The following LRRC47 variants were observed in gnomAD, a reference collection of about 807,000 sequenced individuals.
The protein encoded by LRRC47 is leucine rich repeat containing 47.
Under a neutral mutation model 40.9 loss-of-function variants are expected in LRRC47, and 31 were observed. The ratio of observed to expected loss-of-function variants is 0.76; its 90% CI spans 0.57 to 1.02. The LOEUF is 1.02. Among genes scored for constraint, LRRC47 ranks in the 50% least tolerant of loss-of-function variants. LRRC47 has a pLI of 0.00. For missense variants in LRRC47, 726 were observed against 796.1 expected, an observed-to-expected ratio of 0.91 and a Z score of 1.06; for synonymous variants, 427 against 371.9, an observed-to-expected ratio of 1.15 and a Z score of -1.70.
chr1:3,789,710 G>A (rs1643609509), intron 1 of LRRC47, among the ~76,000 whole-genome samples: 1 of 152,264 alleles, frequency 6.6e-6, no homozygotes, highest in Non-Finnish European at 1.5e-5. Flanking sequence ...GGGGGAAGGA[G>A]AGCAAGAGGG....
At chr1:3,793,733 G>C (rs1432940698) in intron 1 of LRRC47, among the ~76,000 whole-genome samples, 1 of 152,044 alleles carries the variant, frequency 6.6e-6, no homozygotes, top group African/African-American at 2.4e-5. Context: ...ACCAAAAAGA[G>C]CTCCCCGCAG....
chr1:3,784,350 C>T (rs1357217038), intron 3 of LRRC47, among the ~76,000 whole-genome samples: 1 of 152,220 alleles, frequency 6.6e-6, no homozygotes, highest in East Asian at 1.9e-4. Flanking sequence ...AGGGCTTAAC[C>T]TTAAAGCCAG....
At chr1:3,789,783 G>C (rs1421655506) in intron 1 of LRRC47, among the ~76,000 whole-genome samples, 1 of 152,248 alleles carries the variant, frequency 6.6e-6, no homozygotes, top group East Asian at 1.9e-4. Flanking sequence ...GTCCTTGTCA[G>C]AAATGCAAGG....
chr1:3,783,430 A>AAAAG (rs907092722), intron 4 of LRRC47, among the ~76,000 whole-genome samples: 3 of 151,824 alleles, frequency 2.0e-5, no homozygotes, highest in Non-Finnish European at 2.9e-5. Flanking sequence ...CAAAAAAAAA[A>AAAAG]AAAAAAGCAC....
chr1:3,794,229 T>A (rs1183222481), intron 1 of LRRC47, among the ~76,000 whole-genome samples: 1 of 152,126 alleles, frequency 6.6e-6, no homozygotes, highest in Non-Finnish European at 1.5e-5. Flanking sequence ...AACTCCAGTC[T>A]CCACTTTAGC....
chr1:3,783,805 G>A, intron 4 of LRRC47, 191 bp downstream of exon 4: 1 of 592,274 alleles, frequency 1.7e-6, no homozygotes, highest in Non-Finnish European at 3.0e-6. Flanking sequence ...CCTCACGTCA[G>A]GGCCATCTAG....
rs1350930590 is a variant in LRRC47 at position 3,796,237 on chromosome 1, G to C, written c.240C>G (p.Leu80=). ...GCCCCAGCGCGTTGCGCCGCAGCACGAGGCTGTGCAGCTGCGGCAGGCCCT... is the reference window on the plus strand; with the variant it reads ...GCCCCAGCGCGTTGCGCCGCAGCACCAGGCTGTGCAGCTGCGGCAGGCCCT... ...LAQGLPQLHS[L]VLRRNALGPG... is the part of the protein sequence containing the mutation. The change falls in exon 1 of 7, where the codon CTC becomes CTG. Residue 80 remains leucine, a synonymous_variant. Coordinates refer to ENST00000378251, the MANE Select transcript of LRRC47 (RefSeq NM_020710.3). 8 of 1,442,930 alleles carry C rather than the reference G, an allele frequency of 5.5e-6. No individual in the cohort carries two copies. The highest frequency in any genetic ancestry group is 6.3e-6 in the Non-Finnish European group (7 of 1,107,738). 89.4% of individuals were successfully genotyped at this position (1,442,930 alleles called of 1,614,324 possible). A position where few individuals can be genotyped will look rare whatever the true frequency, so the allele number is the denominator to read the frequency against.
chr1:3,785,334 G>A (rs572447138), intron 2 of LRRC47, 131 bp from the exon 3 acceptor site: 11 of 500,986 alleles, frequency 2.2e-5, no homozygotes, highest in Admixed American at 1.4e-4. Flanking sequence ...ACCACGCCAC[G>A]CCCCTTTCCG....
rs1437151239 is a variant in LRRC47, at chr1:3,784,409, G to A, written c.1195-298C>T. Among the ~76,000 whole-genome samples the A allele has an allele frequency of 2.0e-5, 3 of 151,794 alleles. 1 individual carries two copies. ...GTCTGCCATCCTCAGAAGGCCAAAA[G>A]AGGAGAGAAAGGCTGAGCAGCCGGG... is the stretch of plus-strand genomic sequence containing the variant. On this transcript the variant is annotated intron_variant, in intron 3 of 6. Coordinates refer to ENST00000378251, the MANE Select transcript of LRRC47 (RefSeq NM_020710.3).
intron 4 of LRRC47, 46 bp downstream of exon 4, chr1:3,783,950 G>T: frequency 5.3e-6 from 8 of 1,499,714 alleles, no homozygotes; most frequent in East Asian, 2.4e-5. Context: ...GCCAGCATGC[G>T]GCACTCCCCC....
At chr1:3,784,924 G>C in intron 3 of LRRC47, 163 bp downstream of exon 3, 2 of 420,330 alleles carry the variant, frequency 4.8e-6, no homozygotes, top group Non-Finnish European at 8.6e-6. Context: ...CAACCCAGGA[G>C]GCAGAGGCTG....
At chr1:3,785,020 T>C (rs1643558760) in intron 3 of LRRC47, 67 bp downstream of exon 3, 1 of 1,248,076 alleles carries the variant, frequency 8.0e-7, no homozygotes, top group African/African-American at 1.6e-5. Context: ...CGGGCTGCAG[T>C]AGCAGCATGG....
chr1:3,783,934 G>C, intron 4 of LRRC47, 62 bp downstream of exon 4: 2 of 1,398,964 alleles, frequency 1.4e-6, no homozygotes, highest in Non-Finnish European at 2.0e-6. Flanking sequence ...GACTAACTCA[G>C]CTGAGGCCAG....
At position 3,795,888 on chromosome 1, in the gene LRRC47, C is replaced by A; in HGVS notation, c.589G>T (p.Asp197Tyr). The change falls in exon 1 of 7, where the codon GAC becomes TAC. Residue 197 changes from aspartate to tyrosine, a missense_variant. Physicochemically the swap from Asp to Tyr is radical, Grantham distance 160. Coordinates refer to ENST00000378251, the MANE Select transcript of LRRC47 (RefSeq NM_020710.3). ...TTGAGCGAGGCCAGGTGGGCGATGT[C>A]GGGGCTGAGTTCTCGGAGGCAGTTG... ...ADNCLRELSPDIAHLASLKTL... is the reference protein window; with the variant it reads ...ADNCLRELSPYIAHLASLKTL... 1 of 1,593,646 alleles carries A rather than the reference C, an allele frequency of 6.3e-7. No individual in the cohort carries two copies. Among genetic ancestry groups the A allele is most frequent in the South Asian group, 1.1e-5 (1 of 89,456 alleles).
Position 3,795,922 on chromosome 1 carries a change from C to T in LRRC47, c.555G>A (p.Ala185=), listed in dbSNP as rs1290018732. 1.9e-6 allele frequency: 3 copies of T among 1,600,306 alleles called. No homozygotes were observed. ...GTTCTCGGAGGCAGTTGTCAGCAGC[C>T]GCCAGTTCACTGAGCAGGGGCAGCG... ...PGALPLLSEL[A]AADNCLRELS... The change falls in exon 1 of 7, where the codon GCG becomes GCA. Residue 185 remains alanine, a synonymous_variant. Coordinates refer to ENST00000378251, the MANE Select transcript of LRRC47 (RefSeq NM_020710.3).
chr1:3,788,368 C>T (rs1275102052), intron 1 of LRRC47, among the ~76,000 whole-genome samples: 5 of 152,200 alleles, frequency 3.3e-5, no homozygotes, highest in Non-Finnish European at 5.9e-5. Flanking sequence ...GCCTCGGTGC[C>T]GGCTCTGCCC....
At chr1:3,790,124 ACT>A (rs1237847222) in intron 1 of LRRC47, among the ~76,000 whole-genome samples, 2 of 152,052 alleles carry the variant, frequency 1.3e-5, no homozygotes, top group African/African-American at 2.4e-5. Flanking sequence ...GTGGGTCCTG[ACT>A]CTGGCCTGGC....
At chr1:3,792,197 A>G (rs1279410837) in intron 1 of LRRC47, among the ~76,000 whole-genome samples, 2 of 152,218 alleles carry the variant, frequency 1.3e-5, no homozygotes, top group East Asian at 3.8e-4. Flanking sequence ...TCTGGTAGCC[A>G]TTCCTCAGAA....
In LRRC47 at chr1:3,781,096, C is replaced by T. The variant is rs368104298; in HGVS notation, c.1744G>A (p.Val582Met). 2.9e-5 allele frequency: 47 copies of T among 1,613,666 alleles called. No homozygotes were observed. The Middle Eastern group carries it at 1.0e-3, about 34-fold the overall frequency. ...LATAPPHVTV[V>M]R is the part of the protein sequence containing the mutation. Reference sequence around the variant, plus strand: ...GACAGGCGGCCCTGGCGTCAGCGCACGACAGTCACGTGGGGAGGGGCAGTG... The same window carrying T: ...GACAGGCGGCCCTGGCGTCAGCGCATGACAGTCACGTGGGGAGGGGCAGTG... The change falls in exon 7 of 7, where the codon GTG (valine) becomes ATG (methionine). Residue 582 changes from valine to methionine, a missense_variant. Val to Met is a conservative substitution (Grantham distance 21). Transcript: ENST00000378251.
Sources: allele counts gnomAD v4.1 joint callset (sites outside exome capture counted in the v4.1 genomes callset), GRCh38; gene constraint gnomAD v4.1.1; transcripts MANE v1.5; gene names NCBI Gene and HGNC (gene_info 2026-07-23, HGNC 2026-07-21).